Variants in NCAM1 observed in about 807,000 individuals in gnomAD.
NCAM1 encodes the protein neural cell adhesion molecule 1, also known as antigen recognized by monoclonal antibody 5.1H11.
NCAM1 carries 14 observed loss-of-function variants against 109.8 expected under a neutral mutation model. That is an observed-to-expected ratio of 0.13 (90% confidence interval 0.08 to 0.20). The LOEUF is 0.20. Among genes scored for constraint, NCAM1 ranks in the 10% least tolerant of loss-of-function variants. The probability of loss-of-function intolerance (pLI) is 1.00; values close to 1 mark genes in which losing one functional copy is unlikely to be tolerated. For synonymous variants in NCAM1, 418 were observed against 442.9 expected, an observed-to-expected ratio of 0.94 and a Z score of 0.70; for missense variants, 774 against 1,109.9, an observed-to-expected ratio of 0.70 and a Z score of 4.30.
chr11:113,181,781 G>T (rs1943342367), intron 1 of NCAM1, among the ~76,000 whole-genome samples: 1 of 152,146 alleles, frequency 6.6e-6, no homozygotes, highest in South Asian at 2.1e-4. Flanking sequence ...GAAGCAACCA[G>T]GGGTCCTGGT....
chr11:113,070,828 G>T (rs1938229291), intron 1 of NCAM1, among the ~76,000 whole-genome samples: 1 of 152,122 alleles, frequency 6.6e-6, no homozygotes, highest in Non-Finnish European at 1.5e-5. Context: ...TGCTTGAGAA[G>T]GTGGTAAAAA....
chr11:112,990,129 T>A (rs1401797315), intron 1 of NCAM1, among the ~76,000 whole-genome samples: 7 of 152,206 alleles, frequency 4.6e-5, no homozygotes, highest in Non-Finnish European at 8.8e-5. Flanking sequence ...CTGGACTGTC[T>A]CCAGGACTTT....
chr11:113,177,767 C>T (rs1943210364), intron 1 of NCAM1, among the ~76,000 whole-genome samples: 1 of 152,108 alleles, frequency 6.6e-6, no homozygotes, highest in Non-Finnish European at 1.5e-5. Flanking sequence ...GTTTGTAGCC[C>T]CTGTCATGGG....
chr11:113,077,628 A>G (rs1211846734), intron 1 of NCAM1, among the ~76,000 whole-genome samples: 2 of 151,834 alleles, frequency 1.3e-5, no homozygotes, highest in Admixed American at 1.3e-4. Context: ...ATCTCATCCA[A>G]CATGTTCCTC....
At chr11:113,252,488 CTT>C (rs1945711953) in intron 15 of NCAM1, among the ~76,000 whole-genome samples, 1 of 150,210 alleles carries the variant, frequency 6.7e-6, no homozygotes, top group African/African-American at 2.4e-5. Context: ...TTAATCATAA[CTT>C]AGTTTTTTCA....
chr11:113,141,005 C>T (rs1941798880), intron 1 of NCAM1, among the ~76,000 whole-genome samples: 2 of 152,102 alleles, frequency 1.3e-5, no homozygotes, highest in African/African-American at 4.8e-5. Flanking sequence ...ATCCATTCTG[C>T]TATCTTCCTG....
chr11:113,004,883 G>T (rs1555073060), intron 1 of NCAM1, among the ~76,000 whole-genome samples: 3 of 150,890 alleles, frequency 2.0e-5, no homozygotes, highest in Non-Finnish European at 2.9e-5. Context: ...TTGTCCTTCA[G>T]ATTTGGGGCC....
At position 113,204,283 on chromosome 11, in the gene NCAM1, T is replaced by C. The variant is rs1565497336; in HGVS notation, c.128-3T>C. The C allele has an allele frequency of 6.2e-7, 1 of 1,605,860 alleles. No homozygotes were observed. On this transcript the variant is annotated splice_polypyrimidine_tract_variant and splice_region_variant and intron_variant, in intron 2 of 19. Transcript: ENST00000316851. ...AGCTTAAAAATAATCTCTTCCTCTT[T>C]AGTGGCAGGAGATGCCAAAGATAAA... is the stretch of plus-strand genomic sequence containing the variant.
chr11:113,239,869 AG>A (rs782137937), intron 14 of NCAM1, among the ~76,000 whole-genome samples: 19 of 152,200 alleles, frequency 1.2e-4, no homozygotes, highest in Non-Finnish European at 2.2e-4. Context: ...CAAAACCATG[AG>A]TATTAGATAT....
intron 1 of NCAM1, among the ~76,000 whole-genome samples, chr11:113,113,591 CT>C (rs1216392832): frequency 1.3e-5 from 2 of 152,190 alleles, no homozygotes; most frequent in Non-Finnish European, 2.9e-5. Flanking sequence ...AATTGGCAAT[CT>C]GTGGACTGGT....
intron 15 of NCAM1, among the ~76,000 whole-genome samples, chr11:113,254,649 T>G (rs377351203): frequency 1.6e-4 from 25 of 152,236 alleles, no homozygotes; most frequent in African/African-American, 4.6e-4. Flanking sequence ...AAATGGCCAA[T>G]GGTGTAGTTT....
chr11:113,210,006 G>A (rs1324439404), intron 7 of NCAM1, among the ~76,000 whole-genome samples: 2 of 152,138 alleles, frequency 1.3e-5, no homozygotes, highest in Non-Finnish European at 2.9e-5. Flanking sequence ...GTGGACAGGG[G>A]CTGTGTCTGT....
rs375690404 is a variant in NCAM1, at chr11:113,206,390, G to A, written c.628+210G>A. Among the ~76,000 whole-genome samples, 5 of 147,610 alleles carry A rather than the reference G, an allele frequency of 3.4e-5. No individual in the cohort carries two copies. The Admixed American group carries it at 3.4e-4, about 10-fold the overall frequency. The stretch of plus-strand genomic sequence containing the variant: ...GCCTGTTGGATCTTCCTTCAACTAC[G>A]AGGGATTTTAGTGCAGCAACTGAAT... On this transcript the variant is annotated intron_variant, in intron 5 of 19. Coordinates refer to ENST00000316851, the MANE Select transcript of NCAM1 (RefSeq NM_181351.5).
intron 1 of NCAM1, among the ~76,000 whole-genome samples, chr11:113,058,581 G>C (rs1347195755): frequency 6.6e-6 from 1 of 152,138 alleles, no homozygotes; most frequent in Non-Finnish European, 1.5e-5. Flanking sequence ...TTATTGAGTA[G>C]GATAATTTGA....
intron 14 of NCAM1, among the ~76,000 whole-genome samples, chr11:113,245,539 C>T (rs1172216028): frequency 1.3e-5 from 2 of 152,216 alleles, no homozygotes; most frequent in South Asian, 2.1e-4. Context: ...TTAGTGTCAA[C>T]ACAGCCATTG....
At chr11:113,037,013 A>T (rs538667280) in intron 1 of NCAM1, among the ~76,000 whole-genome samples, 6 of 151,986 alleles carry the variant, frequency 3.9e-5, no homozygotes, top group Non-Finnish European at 8.8e-5. Flanking sequence ...GACTTTAACT[A>T]CCATCCTTAT....
At chr11:113,046,801 AAAGAG>A (rs1157953496) in intron 1 of NCAM1, among the ~76,000 whole-genome samples, 1 of 140,904 alleles carries the variant, frequency 7.1e-6, no homozygotes, top group Non-Finnish European at 1.6e-5. Flanking sequence ...AGAAGAAAGA[AAAGAG>A]AGAGAGAGAG....
intron 1 of NCAM1, among the ~76,000 whole-genome samples, chr11:113,111,895 G>A (rs1375215243): frequency 3.3e-5 from 5 of 152,034 alleles, no homozygotes; most frequent in South Asian, 2.1e-4. Context: ...TTGAATAAAC[G>A]TATTCATTAT....
chr11:113,019,416 C>T (rs1952317451), intron 1 of NCAM1, among the ~76,000 whole-genome samples: 1 of 152,204 alleles, frequency 6.6e-6, no homozygotes, highest in Non-Finnish European at 1.5e-5. Flanking sequence ...TGATGATAAA[C>T]TCTGAGCAGA....
Sources: allele counts gnomAD v4.1 joint callset (sites outside exome capture counted in the v4.1 genomes callset), GRCh38; gene constraint gnomAD v4.1.1; transcripts MANE v1.5; gene names NCBI Gene and HGNC (gene_info 2026-07-23, HGNC 2026-07-21).